NRP1: variants seen among roughly 807,000 people sequenced by gnomAD.
NRP1 encodes neuropilin-1.
In NRP1, 35 loss-of-function variants were observed where a neutral mutation model predicts 106.7. The observed-to-expected ratio is 0.33, with a 90% CI of 0.25 to 0.43. The LOEUF (loss-of-function observed/expected upper bound fraction) is 0.43, where lower values mean the gene tolerates loss of function less well. NRP1 is among the 20% of genes least tolerant of loss of function. The pLI, the probability that NRP1 is intolerant of heterozygous loss-of-function variation, is 1.00. For missense variants in NRP1, 1,024 were observed against 1,170.4 expected (o/e 0.87, Z 1.83); for synonymous variants, 437 against 417.9 (o/e 1.05, Z -0.56).
At chr10:33,220,725 T>C (rs10827218) in intron 8 of NRP1, among the ~76,000 whole-genome samples, 44,471 of 151,104 alleles carry the variant, frequency 0.29, 6,845 homozygotes, top group East Asian at 0.62. Context: ...GGTGAAAACC[T>C]ATCTCTACTA....
chr10:33,281,570 C>T (rs1461768208), intron 2 of NRP1, among the ~76,000 whole-genome samples: 1 of 152,132 alleles, frequency 6.6e-6, no homozygotes, highest in South Asian at 2.1e-4. Context: ...GTGACATCTA[C>T]CTGACATCTG....
chr10:33,234,586 A>C (rs1840415026), intron 6 of NRP1, among the ~76,000 whole-genome samples: 1 of 152,174 alleles, frequency 6.6e-6, no homozygotes, highest in South Asian at 2.1e-4. Context: ...CATGCTGTCG[A>C]AAAACAAAAT....
intron 9 of NRP1, chr10:33,211,352 C>T (rs1838287722): frequency 6.6e-6 from 1 of 152,234 alleles, no homozygotes. Flanking sequence ...CATATTCACA[C>T]TTTCTGATGC....
chr10:33,184,901 C>T (rs1835905263), intron 15 of NRP1, among the ~76,000 whole-genome samples: 1 of 152,110 alleles, frequency 6.6e-6, no homozygotes, highest in East Asian at 1.9e-4. Flanking sequence ...TAATTAACAT[C>T]CTATTATATA....
At chr10:33,223,963 C>G (rs527258166) in intron 7 of NRP1, among the ~76,000 whole-genome samples, 1 of 152,150 alleles carries the variant, frequency 6.6e-6, no homozygotes, top group South Asian at 2.1e-4. Context: ...TGCTGAAAAT[C>G]ATGTTTTATA....
chr10:33,192,098 C>T (rs961423946), intron 13 of NRP1, among the ~76,000 whole-genome samples, 183 bp downstream of exon 13: 3 of 152,100 alleles, frequency 2.0e-5, no homozygotes, highest in African/African-American at 7.2e-5. Flanking sequence ...TATGATTTGC[C>T]CTATGCTTCT....
intron 9 of NRP1, among the ~76,000 whole-genome samples, chr10:33,209,777 A>C (rs894487132): frequency 3.9e-5 from 6 of 152,252 alleles, no homozygotes; most frequent in Non-Finnish European, 8.8e-5. Context: ...GAGACAGCCC[A>C]GTCTCCTGAT....
chr10:33,252,514 C>T (rs538744157), intron 6 of NRP1, among the ~76,000 whole-genome samples: 1 of 152,150 alleles, frequency 6.6e-6, no homozygotes, highest in African/African-American at 2.4e-5. Flanking sequence ...CATCTGTATG[C>T]TCCCCTAGAG....
At chr10:33,332,758 T>TA (rs1848373313) in intron 1 of NRP1, among the ~76,000 whole-genome samples, 1 of 152,172 alleles carries the variant, frequency 6.6e-6, no homozygotes. Flanking sequence ...TCTGCTGAGT[T>TA]ACAGAGGCAT....
rs76971501 is a variant in NRP1, at chr10:33,268,230, C to T, written c.430+2445G>A. On this transcript the variant is annotated intron_variant, in intron 3 of 16. Transcript: ENST00000374867. ...CAGTTGATGCTGTTTTGAGCAGGAC[C>T]TCAATCTTGCCCAGTGGGGTGACAG... Among the ~76,000 whole-genome samples the T allele has an allele frequency of 9.5e-4, 144 of 152,186 alleles. 1 individual carries two copies. The highest frequency in any genetic ancestry group is 3.5e-3 in the African/African-American group (144 of 41,526).
At chr10:33,272,801 T>C (rs1843402641) in intron 2 of NRP1, among the ~76,000 whole-genome samples, 1 of 152,140 alleles carries the variant, frequency 6.6e-6, no homozygotes, top group Admixed American at 6.5e-5. Flanking sequence ...CTCTGCAATA[T>C]AGGCTTTTTA....
intron 6 of NRP1, among the ~76,000 whole-genome samples, chr10:33,230,645 C>A (rs1840047547): frequency 6.7e-6 from 1 of 150,216 alleles, no homozygotes; most frequent in Non-Finnish European, 1.5e-5. Flanking sequence ...GTGTATGTAT[C>A]TCCTAGTCAC....
intron 10 of NRP1, among the ~76,000 whole-genome samples, chr10:33,204,414 A>G (rs1269242804): frequency 1.3e-5 from 2 of 152,208 alleles, no homozygotes; most frequent in African/African-American, 4.8e-5. Flanking sequence ...TACAAAACAC[A>G]TACACCCGAA....
At chr10:33,310,050 C>T (rs1846465561) in intron 2 of NRP1, among the ~76,000 whole-genome samples, 1 of 151,614 alleles carries the variant, frequency 6.6e-6, no homozygotes, top group African/African-American at 2.4e-5. Context: ...CGGGTTCACG[C>T]CATTCTCCTG....
chr10:33,195,484 T>C (rs766719043), intron 12 of NRP1: 2 of 533,224 alleles, frequency 3.8e-6, no homozygotes, highest in Non-Finnish European at 7.7e-6. Flanking sequence ...AGTAAGACTC[T>C]GAGTTGAGTC....
At chr10:33,184,624 C>G (rs1051726003) in intron 15 of NRP1, among the ~76,000 whole-genome samples, 2 of 152,170 alleles carry the variant, frequency 1.3e-5, no homozygotes, top group Non-Finnish European at 2.9e-5. Context: ...TAAGCCTTAT[C>G]ATTCTTGTGA....
At chr10:33,302,754 G>C (rs1021703730) in intron 2 of NRP1, among the ~76,000 whole-genome samples, 1 of 152,194 alleles carries the variant, frequency 6.6e-6, no homozygotes, top group African/African-American at 2.4e-5. Context: ...ATATGAAAGA[G>C]GGACAGAAGG....
rs1588860023 is a variant in NRP1, at chr10:33,256,552, G to A, written c.659-81C>T. 3 of 1,483,196 alleles carry A rather than the reference G, an allele frequency of 2.0e-6. No homozygotes were observed. In the East Asian group the frequency reaches 6.9e-5, roughly 34 times the overall value. The allele number at this position is 1,483,196 out of a possible 1,614,324, so 91.9% of individuals were successfully genotyped here. A position where few individuals can be genotyped will look rare whatever the true frequency, so the allele number is the denominator to read the frequency against. On this transcript the variant is annotated intron_variant, in intron 4 of 16. Transcript: ENST00000374867. ...CAAGAATTAGCATTTACAAAGATGGGCCCCAGTAGAACCCAGAAGTGTTTT... is the reference window on the plus strand; with the variant it reads ...CAAGAATTAGCATTTACAAAGATGGACCCCAGTAGAACCCAGAAGTGTTTT...
At chr10:33,243,967 A>C (rs979848521) in intron 6 of NRP1, among the ~76,000 whole-genome samples, 1 of 134,856 alleles carries the variant, frequency 7.4e-6, no homozygotes, top group African/African-American at 3.2e-5. Context: ...GTGTGTGTGC[A>C]TGCATGCTTG....
Sources: allele counts gnomAD v4.1 joint callset (sites outside exome capture counted in the v4.1 genomes callset), GRCh38; gene constraint gnomAD v4.1.1; transcripts MANE v1.5; gene names NCBI Gene and HGNC (gene_info 2026-07-23, HGNC 2026-07-21).